The following RAB20 variants were observed in gnomAD, a reference collection of about 807,000 sequenced individuals.
The protein encoded by RAB20 is RAB20, member RAS oncogene family, also known as ras-related protein Rab-20.
RAB20 carries 2 observed loss-of-function variants against 3.7 expected under a neutral mutation model. That is an observed-to-expected ratio of 0.54 (90% CI 0.22 to 1.69). The LOEUF (loss-of-function observed/expected upper bound fraction) is 1.69, where lower values mean the gene tolerates loss of function less well. Ranked by LOEUF, RAB20 falls within the 40% of genes most tolerant of loss-of-function variation. The pLI is 0.19. For missense variants in RAB20, 276 were observed against 311.9 expected (o/e 0.88, Z 0.87); for synonymous variants, 126 against 130.8 (o/e 0.96, Z 0.25).
intron 1 of RAB20, among the ~76,000 whole-genome samples, chr13:110,536,062 A>G (rs369558247): frequency 3.3e-5 from 5 of 152,294 alleles, no homozygotes; most frequent in African/African-American, 1.2e-4. Context: ...TCCTTATTAG[A>G]GAAGACACCC....
intron 1 of RAB20, among the ~76,000 whole-genome samples, chr13:110,550,895 G>T (rs1444970708): frequency 6.6e-6 from 1 of 152,160 alleles, no homozygotes; most frequent in Non-Finnish European, 1.5e-5. Context: ...AGCTACTAAA[G>T]AAGTTTTTTA....
chr13:110,561,087 G>C (rs1308174036), intron 1 of RAB20, among the ~76,000 whole-genome samples: 2 of 152,148 alleles, frequency 1.3e-5, no homozygotes, highest in East Asian at 3.9e-4. Context: ...AGGAACGCGG[G>C]GCTCGGGAGC....
At position 110,555,089 on chromosome 13, in the gene RAB20, C is replaced by T. The variant is rs981914592; in HGVS notation, c.172+6259G>A. 1.3e-5 allele frequency among the ~76,000 whole-genome samples: 2 copies of T among 152,138 alleles called. No homozygotes were observed. Among genetic ancestry groups the T allele is most frequent in the African/African-American group, 4.8e-5 (2 of 41,442 alleles). On this transcript the variant is annotated intron_variant, in intron 1 of 1. Coordinates refer to ENST00000267328, the MANE Select transcript of RAB20 (RefSeq NM_017817.3). The surrounding 1 kb of genome is among the most constrained non-coding windows in gnomAD (Gnocchi z 4.0). ...AACGTTGACGCCTCCCAGGAGGAGC[C>T]TTGTGAAAAGGATGTAGCCCGGGAG...
chr13:110,534,253 T>C (rs1275455911), intron 1 of RAB20, among the ~76,000 whole-genome samples: 4 of 152,126 alleles, frequency 2.6e-5, no homozygotes, highest in Non-Finnish European at 5.9e-5. Context: ...CAAAGCAACC[T>C]TGCCTGAGCT....
At chr13:110,560,759 C>G (rs1885115507) in intron 1 of RAB20, among the ~76,000 whole-genome samples, 2 of 143,282 alleles carry the variant, frequency 1.4e-5, no homozygotes, top group Admixed American at 6.6e-5. Context: ...ATGCTTCCAC[C>G]GGAAGTCACT....
chr13:110,540,753 A>G (rs962446270), intron 1 of RAB20, among the ~76,000 whole-genome samples: 5 of 150,976 alleles, frequency 3.3e-5, no homozygotes, highest in African/African-American at 1.2e-4. Flanking sequence ...AAAAAAAAAA[A>G]AAAAGTTAAA....
chr13:110,557,115 C>A (rs1388288150), intron 1 of RAB20, among the ~76,000 whole-genome samples: 3 of 152,124 alleles, frequency 2.0e-5, no homozygotes, highest in Non-Finnish European at 4.4e-5. Context: ...ACACCTCCAC[C>A]AGAAGGAGCC....
At position 110,555,678 on chromosome 13, in the gene RAB20, G is replaced by A. The variant is rs1017188905; in HGVS notation, c.172+5670C>T. On this transcript the variant is annotated intron_variant, in intron 1 of 1. Transcript: ENST00000267328. The surrounding 1 kb of genome is among the most constrained non-coding windows in gnomAD (Gnocchi z 4.0). ...ACGTGAATCAGCCTGTGCCTTCTGC[G>A]GGTGAAACCAGTCATCAGCCGGCCC... 1.3e-5 allele frequency among the ~76,000 whole-genome samples: 2 copies of A among 152,166 alleles called. No individual in the cohort carries two copies. The highest frequency in any genetic ancestry group is 4.8e-5 in the African/African-American group (2 of 41,428).
At chr13:110,546,005 G>A (rs905279646) in intron 1 of RAB20, among the ~76,000 whole-genome samples, 3 of 152,042 alleles carry the variant, frequency 2.0e-5, no homozygotes, top group Admixed American at 6.6e-5. Flanking sequence ...CAAAGCAGAT[G>A]AAAAGTCAAT....
intron 1 of RAB20, among the ~76,000 whole-genome samples, chr13:110,540,541 G>A (rs1370930747): frequency 1.3e-5 from 2 of 152,096 alleles, no homozygotes; most frequent in Non-Finnish European, 2.9e-5. Context: ...TCAGGAGTTC[G>A]AGACCAGCCT....
Position 110,555,810 on chromosome 13 carries a change from CG to C in RAB20, c.172+5537del, listed in dbSNP as rs1366672656. ...CGACTTTTATTCTCACTCTTTACCA[CG>C]GCCACCGCGAGTGCCCCCAGCCTTC... On this transcript the variant is annotated intron_variant, in intron 1 of 1. Coordinates refer to ENST00000267328, the MANE Select transcript of RAB20 (RefSeq NM_017817.3). This position sits in a 1 kb window ranked among gnomAD's most constrained non-coding sequence, Gnocchi z 4.0. Among the ~76,000 whole-genome samples the C allele has an allele frequency of 6.6e-6, 1 of 152,196 alleles. No homozygotes were observed. Among genetic ancestry groups the C allele is most frequent in the African/African-American group, 2.4e-5 (1 of 41,446 alleles).
chr13:110,539,337 A>G (rs904501546), intron 1 of RAB20, among the ~76,000 whole-genome samples: 1 of 152,182 alleles, frequency 6.6e-6, no homozygotes, highest in Non-Finnish European at 1.5e-5. Flanking sequence ...CAGAGACTCA[A>G]CTACCAGGAC....
chr13:110,547,522 G>A (rs993357451), intron 1 of RAB20, among the ~76,000 whole-genome samples: 1 of 152,196 alleles, frequency 6.6e-6, no homozygotes, highest in East Asian at 1.9e-4. Context: ...GTGAGTGAAT[G>A]CATACTTGGA....
rs1172339060 is a variant in RAB20, at chr13:110,523,398, CAG to C, written c.*265_*266del. ...AAAGGACCAGTGCCAGGCAGCGGGG[CAG>C]AGAGCACCAGGGGTCTCGACTCTGC... On this transcript the variant is annotated 3_prime_UTR_variant, in exon 2 of 2. Transcript: ENST00000267328. 1 of 651,084 alleles carries C rather than the reference CAG, an allele frequency of 1.5e-6. No individual in the cohort carries two copies. The highest frequency in any genetic ancestry group is 1.8e-5 in the African/African-American group (1 of 55,000). 40.3% of individuals were successfully genotyped at this position (651,084 alleles called of 1,614,324 possible).
At chr13:110,536,903 A>G (rs1157673804) in intron 1 of RAB20, among the ~76,000 whole-genome samples, 6 of 146,876 alleles carry the variant, frequency 4.1e-5, no homozygotes, top group South Asian at 2.3e-4. Context: ...TACATTAGGT[A>G]TATCTCCTAA....
At chr13:110,547,172 C>T (rs921070906) in intron 1 of RAB20, among the ~76,000 whole-genome samples, 4 of 152,210 alleles carry the variant, frequency 2.6e-5, no homozygotes, top group African/African-American at 9.6e-5. Flanking sequence ...GTCTACACGG[C>T]GCCTCCTCTA....
At position 110,561,652 on chromosome 13, in the gene RAB20, C is replaced by T. The variant is rs1885139173; in HGVS notation, c.-133G>A. ...ATTCTCGTGAACGCTCCGGGACCTT[C>T]GCCTCCGGACGCCCGGGAGCTCAAG... On this transcript the variant is annotated 5_prime_UTR_variant, in exon 1 of 2. Coordinates refer to ENST00000267328, the MANE Select transcript of RAB20 (RefSeq NM_017817.3). 7.3e-7 allele frequency: 1 copy of T among 1,378,032 alleles called. No individual in the cohort carries two copies. The highest frequency in any genetic ancestry group is 9.5e-7 in the Non-Finnish European group (1 of 1,057,378). The allele number at this position is 1,378,032 out of a possible 1,614,324, so 85.4% of individuals were successfully genotyped here.
intron 1 of RAB20, among the ~76,000 whole-genome samples, chr13:110,553,347 A>T (rs909039936): frequency 6.6e-6 from 1 of 152,250 alleles, no homozygotes; most frequent in Non-Finnish European, 1.5e-5. Context: ...TGTTGAGTTG[A>T]ACTGAATCTT....
At chr13:110,544,690 A>C (rs1884821340) in intron 1 of RAB20, among the ~76,000 whole-genome samples, 3 of 152,234 alleles carry the variant, frequency 2.0e-5, no homozygotes, top group Non-Finnish European at 4.4e-5. Context: ...GTGGAGGGTG[A>C]CATCTAGGAA....
Sources: allele counts gnomAD v4.1 joint callset (sites outside exome capture counted in the v4.1 genomes callset), GRCh38; gene constraint gnomAD v4.1.1; non-coding constraint Gnocchi (gnomAD v3.1); transcripts MANE v1.5; gene names NCBI Gene and HGNC (gene_info 2026-07-23, HGNC 2026-07-21).